Variants in ALPK1 observed in about 807,000 individuals in gnomAD.
The protein encoded by ALPK1 is alpha kinase 1, also known as alpha-protein kinase 1.
ALPK1 carries 110 observed loss-of-function variants against 120.6 expected under a neutral mutation model. The ratio of observed to expected loss-of-function variants is 0.91; its 90% CI spans 0.78 to 1.07. The LOEUF (loss-of-function observed/expected upper bound fraction) is 1.07. ALPK1 is among the 50% of genes least tolerant of loss of function. ALPK1 has a pLI of 0.00. For synonymous variants in ALPK1, 582 were observed against 560.3 expected (o/e 1.04, Z -0.55); for missense variants, 1,498 against 1,483.9 (o/e 1.01, Z -0.16).
intron 2 of ALPK1, among the ~76,000 whole-genome samples, chr4:112,375,114 C>T (rs542189614): frequency 3.5e-4 from 54 of 152,194 alleles, no homozygotes; most frequent in African/African-American, 1.3e-3. Context: ...TCTTCCACTA[C>T]AAGGCTGTTT....
At chr4:112,424,967 C>G (rs941880661) in intron 6 of ALPK1, 3 of 152,178 alleles carry the variant, frequency 2.0e-5, no homozygotes, top group African/African-American at 7.2e-5. Flanking sequence ...AACAAACAAA[C>G]AAACAACAAA....
intron 1 of ALPK1, among the ~76,000 whole-genome samples, chr4:112,304,949 G>C (rs1367099395): frequency 6.6e-6 from 1 of 152,098 alleles, no homozygotes; most frequent in African/African-American, 2.4e-5. Flanking sequence ...AAGGGATCCA[G>C]TTTCAGTTTT....
At chr4:112,381,047 C>T (rs750738609) in intron 3 of ALPK1, among the ~76,000 whole-genome samples, 11 of 152,166 alleles carry the variant, frequency 7.2e-5, no homozygotes, top group African/African-American at 1.7e-4. Flanking sequence ...AGAGCCGGAA[C>T]GGGATTTGCC....
intron 1 of ALPK1, among the ~76,000 whole-genome samples, chr4:112,311,973 G>A (rs1025363154): frequency 6.7e-6 from 1 of 150,190 alleles, no homozygotes; most frequent in Non-Finnish European, 1.5e-5. Context: ...CACACAGGGG[G>A]TCACAGTGTT....
intron 2 of ALPK1, among the ~76,000 whole-genome samples, chr4:112,317,680 T>G (rs183763060): frequency 6.6e-6 from 1 of 152,286 alleles, no homozygotes; most frequent in East Asian, 1.9e-4. Context: ...TTTTCAAAAT[T>G]TTTTTAGCTA....
intron 1 of ALPK1, among the ~76,000 whole-genome samples, chr4:112,309,660 G>A (rs1428664324): frequency 6.6e-6 from 1 of 152,038 alleles, no homozygotes; most frequent in Non-Finnish European, 1.5e-5. Context: ...TTCCTATTTG[G>A]CCACCTTCCA....
Position 112,431,340 on chromosome 4 carries a change from T to A in ALPK1, c.1793T>A (p.Val598Glu). ...GFSSSASWEE[V>E]NYHVDDRSAR... is the part of the protein sequence containing the mutation. ...AGTTCCTCTGCAAGCTGGGAGGAAGTGAATTATCACGTTGACGACAGGTCA... is the reference window on the plus strand; with the variant it reads ...AGTTCCTCTGCAAGCTGGGAGGAAGAGAATTATCACGTTGACGACAGGTCA... Residue 598 changes from valine (V) to glutamate (E), a missense_variant, in exon 11 of 16, where the codon GTG becomes GAG. Val to Glu is a moderately radical substitution (Grantham distance 121). Transcript: ENST00000650871. The A allele has an allele frequency of 6.2e-7, 1 of 1,614,146 alleles. No homozygotes were observed. The highest frequency in any genetic ancestry group is 1.1e-5 in the South Asian group (1 of 91,074).
At chr4:112,358,174 C>G in intron 2 of ALPK1, 1 of 621,862 alleles carries the variant, frequency 1.6e-6, no homozygotes. Context: ...ACCAGGCCAT[C>G]GGGCAAGTGA....
In ALPK1 at chr4:112,342,401, A is replaced by AT. The variant is rs144162439; in HGVS notation, c.-101+26556dup. On this transcript the variant is annotated intron_variant, in intron 2 of 15. Transcript: ENST00000650871. ...AGGTGAAAATAAACACCTTAATTTC[A>AT]TTTTTTTGGTCTAAATGTTATGTTA... is the stretch of plus-strand genomic sequence containing the variant. Among the ~76,000 whole-genome samples the AT allele has an allele frequency of 6.3e-3, 959 of 152,240 alleles. 13 individuals carry two copies. Among genetic ancestry groups the AT allele is most frequent in the African/African-American group, 0.022 (906 of 41,540 alleles).
intron 3 of ALPK1, among the ~76,000 whole-genome samples, chr4:112,381,103 G>A (rs1487281368): frequency 6.6e-6 from 1 of 152,194 alleles, no homozygotes; most frequent in Non-Finnish European, 1.5e-5. Flanking sequence ...GGTCCATCTT[G>A]TTTTTAGAAA....
Position 112,343,503 on chromosome 4 carries a change from A to C in ALPK1, c.-101+27651A>C, listed in dbSNP as rs371355277. ...ACAAAAGTAAATACCCGTCTCAAAGAGAATGCACTGAAATATGATATCAGC... is the reference window on the plus strand; with the variant it reads ...ACAAAAGTAAATACCCGTCTCAAAGCGAATGCACTGAAATATGATATCAGC... On this transcript the variant is annotated intron_variant, in intron 2 of 15. Transcript: ENST00000650871. The C allele has an allele frequency of 2.0e-5, 3 of 152,266 alleles. No homozygotes were observed. The East Asian group carries it at 5.8e-4, about 29-fold the overall frequency. 9.4% of individuals were successfully genotyped at this position (152,266 alleles called of 1,614,324 possible). A position where few individuals can be genotyped will look rare whatever the true frequency, so the allele number is the denominator to read the frequency against.
chr4:112,431,949 A>C lies in ALPK1; in HGVS notation c.2402A>C (p.Asp801Ala), dbSNP rs760019462. 1 of 1,614,068 alleles carries C rather than the reference A, an allele frequency of 6.2e-7. No homozygotes were observed. Among genetic ancestry groups the C allele is most frequent in the Admixed American group, 1.7e-5 (1 of 60,024 alleles). ...GAAAGCACTGAAGATGCACCCTTAG[A>C]CTTTCACAGGGTCCTGCACAATTCT... ...TAESTEDAPL[D>A]FHRVLHNSLG... is the part of the protein sequence containing the mutation. The change falls in exon 11 of 16, where the codon GAC becomes GCC. Residue 801 changes from aspartate to alanine, a missense_variant. By Grantham distance (126) the Asp-to-Ala change is moderately radical. Coordinates refer to ENST00000650871, the MANE Select transcript of ALPK1 (RefSeq NM_025144.4).
rs1323354249 is a variant in ALPK1, at chr4:112,431,831, G to C, written c.2284G>C (p.Gly762Arg). 6.2e-7 allele frequency: 1 copy of C among 1,614,072 alleles called. No homozygotes were observed. The highest frequency in any genetic ancestry group is 1.1e-5 in the South Asian group (1 of 91,076). The change falls in exon 11 of 16, where the codon GGG becomes CGG. Residue 762 changes from glycine to arginine, a missense_variant. By Grantham distance (125) the Gly-to-Arg change is moderately radical (BLOSUM62 -2). Transcript: ENST00000650871. ...ETNCDVKDRQGKEQGEEISER... is the reference protein window; with the variant it reads ...ETNCDVKDRQRKEQGEEISER... ...CAACTGCGATGTCAAAGACAGGCAG[G>C]GGAAAGAGCAGGGAGAAGAAATTAG...
At chr4:112,437,104 G>A (rs1489965344) in intron 12 of ALPK1, among the ~76,000 whole-genome samples, 1 of 152,054 alleles carries the variant, frequency 6.6e-6, no homozygotes, top group Non-Finnish European at 1.5e-5. Context: ...GTACACAGTA[G>A]TCAAACTCCA....
intron 2 of ALPK1, chr4:112,356,766 G>A (rs1217361205): frequency 2.0e-5 from 15 of 761,192 alleles, no homozygotes; most frequent in Middle Eastern, 2.3e-4. Context: ...TACCTGTCCC[G>A]GAACCTGAAG....
intron 2 of ALPK1, among the ~76,000 whole-genome samples, chr4:112,339,889 A>G (rs553310841): frequency 1.3e-3 from 199 of 152,348 alleles, no homozygotes; most frequent in African/African-American, 4.5e-3. Context: ...CAAAGGACCA[A>G]AAATACTTGG....
Position 112,297,461 on chromosome 4 carries a change from A to G in ALPK1, c.-161A>G, listed in dbSNP as rs1475441862. On this transcript the variant is annotated 5_prime_UTR_variant, in exon 1 of 16. Transcript: ENST00000650871. ...TGGTCTTAAAGTACTTTTCCTCTTT[A>G]AGATAAAAGTGAGTATCATCCTTTA... 6.6e-6 allele frequency: 1 copy of G among 152,108 alleles called. No homozygotes were observed. Among genetic ancestry groups the G allele is most frequent in the Non-Finnish European group, 1.5e-5 (1 of 68,014 alleles). The allele number at this position is 152,108 out of a possible 1,614,324, so 9.4% of individuals were successfully genotyped here. A position where few individuals can be genotyped will look rare whatever the true frequency, so the allele number is the denominator to read the frequency against.
At chr4:112,373,237 T>G (rs1055246463) in intron 2 of ALPK1, among the ~76,000 whole-genome samples, 2 of 152,242 alleles carry the variant, frequency 1.3e-5, no homozygotes, top group African/African-American at 4.8e-5. Context: ...GGCCTCTTGT[T>G]CACTGTAGCC....
At chr4:112,429,839 C>CA (rs756983786) in intron 10 of ALPK1, among the ~76,000 whole-genome samples, 4,352 of 39,938 alleles carry the variant, frequency 0.11, 204 homozygotes, top group African/African-American at 0.24. Context: ...GACCCTACCT[C>CA]AAAAAAAAAA....
Sources: allele counts gnomAD v4.1 joint callset (sites outside exome capture counted in the v4.1 genomes callset), GRCh38; gene constraint gnomAD v4.1.1; transcripts MANE v1.5; gene names NCBI Gene and HGNC (gene_info 2026-07-23, HGNC 2026-07-21).